Variants in TMCC2 observed in about 807,000 individuals in gnomAD.
The protein encoded by TMCC2 is transmembrane and coiled-coil domain family 2, also known as transmembrane and coiled-coil domains protein 2.
In TMCC2, 16 loss-of-function variants were observed where a neutral mutation model predicts 49.4. That is an observed-to-expected ratio of 0.32 (90% CI 0.22 to 0.49). TMCC2 has a LOEUF of 0.49. TMCC2 is among the 20% of genes least tolerant of loss of function. The pLI is 0.99. For synonymous variants in TMCC2, 397 were observed against 434.1 expected, an observed-to-expected ratio of 0.91 and a Z score of 1.06; for missense variants, 762 against 989.8, an observed-to-expected ratio of 0.77 and a Z score of 3.09.
chr1:205,261,124 T>C (rs932991774), intron 2 of TMCC2, among the ~76,000 whole-genome samples: 2 of 152,118 alleles, frequency 1.3e-5, no homozygotes, highest in African/African-American at 4.8e-5. Context: ...CCACATCAGC[T>C]GTGCTGTTTT....
At chr1:205,251,883 G>A (rs951734210) in intron 2 of TMCC2, among the ~76,000 whole-genome samples, 1 of 152,240 alleles carries the variant, frequency 6.6e-6, no homozygotes, top group African/African-American at 2.4e-5. Flanking sequence ...GAGCCCTTGA[G>A]TCAGCAGGAG....
chr1:205,241,530 C>A lies in TMCC2; in HGVS notation c.233C>A (p.Ser78Tyr), dbSNP rs1259162148. The A allele has an allele frequency of 1.9e-6, 3 of 1,613,824 alleles. No homozygotes were observed. The African/African-American group carries it at 4.0e-5, about 22-fold the overall frequency. Residue 78 changes from serine to tyrosine, a missense_variant, in exon 2 of 5, where the codon TCC becomes TAC. By Grantham distance (144) the Ser-to-Tyr change is moderately radical. This residue lies in a region of TMCC2 where 322 missense variants were observed against 353.1 expected (regional missense o/e 0.91). Coordinates refer to ENST00000358024, the MANE Select transcript of TMCC2 (RefSeq NM_014858.4). This position sits in a 1 kb window ranked among gnomAD's most constrained non-coding sequence, Gnocchi z 7.3. Reference sequence around the variant, plus strand: ...AAAATCCAGCAGCTGTCAGAGGGCTCCATGTTTGGCCACGGTCTGAAGCAC... The same window carrying A: ...AAAATCCAGCAGCTGTCAGAGGGCTACATGTTTGGCCACGGTCTGAAGCAC... ...LKKIQQLSEG[S>Y]MFGHGLKHLF...
intron 1 of TMCC2, among the ~76,000 whole-genome samples, chr1:205,232,842 G>A (rs1157350181): frequency 1.3e-5 from 2 of 151,230 alleles, no homozygotes; most frequent in African/African-American, 4.9e-5. Context: ...GACTGAGGTG[G>A]GAGGATCGCC....
chr1:205,237,092 T>C (rs1660083240), intron 1 of TMCC2, among the ~76,000 whole-genome samples: 1 of 152,100 alleles, frequency 6.6e-6, no homozygotes, highest in South Asian at 2.1e-4. Flanking sequence ...ATTCCAAAAA[T>C]CTTTCATCAC....
In TMCC2 at chr1:205,269,435, T is replaced by C. The variant is rs757014770; in HGVS notation, c.1233T>C (p.Ser411=). 35 of 1,606,312 alleles carry C rather than the reference T, an allele frequency of 2.2e-5. No homozygotes were observed. Among genetic ancestry groups the C allele is most frequent in the Middle Eastern group, 3.3e-4 (2 of 6,062 alleles). Residue 411 remains serine (S), a synonymous_variant, in exon 3 of 5, where the codon TCT becomes TCC. Transcript: ENST00000358024. The stretch of plus-strand genomic sequence containing the variant: ...TGGAGGGCGTCAAGGGCAGCCTCTC[T>C]GGCCTCTCACAGGCCACCCACACCG... ...GVVEGVKGSL[S]GLSQATHTAV...
Position 205,241,417 on chromosome 1 carries a change from A to G in TMCC2, c.208-88A>G, listed in dbSNP as rs1660257680. 18 of 1,393,888 alleles carry G rather than the reference A, an allele frequency of 1.3e-5. No individual in the cohort carries two copies. Among genetic ancestry groups the G allele is most frequent in the Non-Finnish European group, 1.7e-5 (17 of 1,014,590 alleles). 86.3% of individuals were successfully genotyped at this position (1,393,888 alleles called of 1,614,324 possible). ...GCTGCATTAGCTATGCCAGTCTACC[A>G]AGGACAGACCCTTCACCTTCACCCT... is the stretch of plus-strand genomic sequence containing the variant. On this transcript the variant is annotated intron_variant, in intron 1 of 4. Coordinates refer to ENST00000358024, the MANE Select transcript of TMCC2 (RefSeq NM_014858.4). This position sits in a 1 kb window ranked among gnomAD's most constrained non-coding sequence, Gnocchi z 7.3.
At position 205,242,442 on chromosome 1, in the gene TMCC2, A is replaced by T. The variant is rs113153906; in HGVS notation, c.747+398A>T. Reference sequence around the variant, plus strand: ...ACCAATTGAAAATGAGGATAATAATAGTACAGTTGTAGGACTAAATGAGTT... The same window carrying T: ...ACCAATTGAAAATGAGGATAATAATTGTACAGTTGTAGGACTAAATGAGTT... On this transcript the variant is annotated intron_variant, in intron 2 of 4. Transcript: ENST00000358024. Among the ~76,000 whole-genome samples, 92 of 152,044 alleles carry T rather than the reference A, an allele frequency of 6.1e-4. 1 individual carries two copies. The highest frequency in any genetic ancestry group is 2.1e-3 in the African/African-American group (87 of 41,310).
chr1:205,270,209 G>A (rs1291103223), intron 3 of TMCC2, among the ~76,000 whole-genome samples: 3 of 152,016 alleles, frequency 2.0e-5, no homozygotes, highest in African/African-American at 7.3e-5. Context: ...ACTACACCCC[G>A]CTAATTTTTT....
rs146783319 is a variant in TMCC2, at chr1:205,245,839, C to T, written c.747+3795C>T. On this transcript the variant is annotated intron_variant, in intron 2 of 4. Transcript: ENST00000358024. ...TTTGAGAGAGTCTTACTTTGTCATCCATCTCGGCTCACTGCAACCTCCACC... is the reference window on the plus strand; with the variant it reads ...TTTGAGAGAGTCTTACTTTGTCATCTATCTCGGCTCACTGCAACCTCCACC... 3.4e-4 allele frequency among the ~76,000 whole-genome samples: 52 copies of T among 150,990 alleles called. No individual in the cohort carries two copies. The East Asian group carries it at 9.7e-3, about 28-fold the overall frequency.
intron 1 of TMCC2, among the ~76,000 whole-genome samples, chr1:205,235,572 C>T (rs1037602786): frequency 6.6e-6 from 1 of 152,160 alleles, no homozygotes; most frequent in Non-Finnish European, 1.5e-5. Context: ...CAACTCAGAA[C>T]TCATTTCTGT....
intron 1 of TMCC2, among the ~76,000 whole-genome samples, chr1:205,240,482 G>A (rs558524374): frequency 1.3e-5 from 2 of 152,230 alleles, no homozygotes; most frequent in East Asian, 1.9e-4. Context: ...ATGTCACAAG[G>A]TTTGCTCATA....
chr1:205,253,565 C>G (rs992588867), intron 2 of TMCC2, among the ~76,000 whole-genome samples: 1 of 152,228 alleles, frequency 6.6e-6, no homozygotes, highest in African/African-American at 2.4e-5. Context: ...TCCATCTCTG[C>G]CAGGCCAGAG....
chr1:205,263,747 C>A (rs549634581), intron 2 of TMCC2, among the ~76,000 whole-genome samples: 1 of 152,160 alleles, frequency 6.6e-6, no homozygotes, highest in Non-Finnish European at 1.5e-5. Context: ...ATATGAAATT[C>A]CAGTTTCATC....
chr1:205,260,576 G>C (rs1232931077), intron 2 of TMCC2, among the ~76,000 whole-genome samples: 1 of 152,178 alleles, frequency 6.6e-6, no homozygotes, highest in Non-Finnish European at 1.5e-5. Context: ...GAGGACCCTG[G>C]CCTTCCACAC....
intron 2 of TMCC2, among the ~76,000 whole-genome samples, chr1:205,259,166 T>C (rs1194058298): frequency 6.6e-6 from 1 of 151,006 alleles, no homozygotes; most frequent in Non-Finnish European, 1.5e-5. Context: ...AAGGGAAGCA[T>C]AGGAACCCCC....
At chr1:205,261,246 G>C (rs890780431) in intron 2 of TMCC2, among the ~76,000 whole-genome samples, 2 of 144,052 alleles carry the variant, frequency 1.4e-5, no homozygotes, top group Admixed American at 1.4e-4. Context: ...TGTTGCCCAG[G>C]CTGGAGTGCA....
chr1:205,269,500 G>A lies in TMCC2; in HGVS notation c.1298G>A (p.Arg433His), dbSNP rs143483599. The change falls in exon 3 of 5, where the codon CGC becomes CAC. Residue 433 changes from arginine (R) to histidine (H), a missense_variant. Arg to His is a conservative substitution (Grantham distance 29). This residue lies in a region of TMCC2 where 440 missense variants were observed against 636.7 expected (regional missense o/e 0.69). Coordinates refer to ENST00000358024, the MANE Select transcript of TMCC2 (RefSeq NM_014858.4). ...SKPREFASLI[R>H]NKFGSADNIA... ...CCCCGGGAGTTTGCCAGCCTCATCC[G>A]CAACAAGTTTGGCAGTGCTGACAAC... 6.8e-6 allele frequency: 11 copies of A among 1,608,970 alleles called. No individual in the cohort carries two copies. The highest frequency in any genetic ancestry group is 4.5e-5 in the East Asian group (2 of 44,720).
Position 205,264,714 on chromosome 1 carries a change from A to T in TMCC2, c.748-4236A>T, listed in dbSNP as rs1342424221. ...ACCATGTTGGCCAGGCTGGTCTCCA[A>T]CTCCTAACCTCAGGTGATCCGCCCG... On this transcript the variant is annotated intron_variant, in intron 2 of 4. Coordinates refer to ENST00000358024, the MANE Select transcript of TMCC2 (RefSeq NM_014858.4). The surrounding 1 kb of genome is among the most constrained non-coding windows in gnomAD (Gnocchi z 4.2). Among the ~76,000 whole-genome samples, 19 of 151,574 alleles carry T rather than the reference A, an allele frequency of 1.3e-4. No homozygotes were observed. The highest frequency in any genetic ancestry group is 1.5e-5 in the Non-Finnish European group (1 of 67,906).
intron 2 of TMCC2, among the ~76,000 whole-genome samples, chr1:205,260,312 G>A (rs1005422245): frequency 6.6e-6 from 1 of 152,234 alleles, no homozygotes; most frequent in Non-Finnish European, 1.5e-5. Context: ...CTGGAGAGAG[G>A]AGCAGTGGTT....
Sources: gnomAD v4.1 joint callset for allele counts (sites outside exome capture counted in the v4.1 genomes callset) on GRCh38, gnomAD v4.1.1 for gene constraint, gnomAD v4.1.1 regional missense constraint, Gnocchi (gnomAD v3.1) non-coding constraint, MANE v1.5 for transcripts, NCBI Gene and HGNC (gene_info 2026-07-23, HGNC 2026-07-21) for gene names.